Variants in RSU1 observed in about 807,000 individuals in gnomAD.
RSU1 encodes rsu-1.
RSU1 carries 26 observed loss-of-function variants against 31.1 expected under a neutral mutation model. That is an observed-to-expected ratio of 0.84 (90% CI 0.61 to 1.16). The LOEUF is 1.16. RSU1 is among the 50% of genes most tolerant of loss of function. The pLI, the probability that RSU1 is intolerant of heterozygous loss-of-function variation, is 0.00. For synonymous variants in RSU1, 164 were observed against 136.3 expected (o/e 1.20, Z -1.41); for missense variants, 320 against 339.1 (o/e 0.94, Z 0.44).
At chr10:16,799,913 A>G (rs1460056822) in intron 2 of RSU1, among the ~76,000 whole-genome samples, 5 of 152,132 alleles carry the variant, frequency 3.3e-5, no homozygotes, top group African/African-American at 1.2e-4. Flanking sequence ...CACTAGAGAG[A>G]TCTAAGCACA....
rs1165463577 is a variant in RSU1 at position 16,593,207 on chromosome 10, C to T, written c.*187G>A. 1 of 1,144,364 alleles carries T rather than the reference C, an allele frequency of 8.7e-7. No homozygotes were observed. The highest frequency in any genetic ancestry group is 1.2e-6 in the Non-Finnish European group (1 of 843,662). 70.9% of individuals were successfully genotyped at this position (1,144,364 alleles called of 1,614,324 possible). ...GAAACAAATGGAAATGGTTTAAAGA[C>T]CTTATAACAATCTCCCACCTAGCAA... On this transcript the variant is annotated 3_prime_UTR_variant, in exon 9 of 9. Transcript: ENST00000345264.
rs1009813783 is a variant in RSU1, at chr10:16,661,285, T to C, written c.731+33738A>G. On this transcript the variant is annotated intron_variant, in intron 8 of 8. Coordinates refer to ENST00000345264, the MANE Select transcript of RSU1 (RefSeq NM_012425.4). ...GAGTGTATGTGTGATATGTAGAGAG[T>C]GCGTGTGTGTGTGTGTGTGTGTGTG... Among the ~76,000 whole-genome samples, 7 of 103,202 alleles carry C rather than the reference T, an allele frequency of 6.8e-5. No individual in the cohort carries two copies. The East Asian group carries it at 1.8e-3, about 26-fold the overall frequency. The allele number at this position is 103,202 out of a possible 152,430, so 67.7% of individuals were successfully genotyped here.
chr10:16,599,099 T>C (rs1023756590), intron 8 of RSU1, among the ~76,000 whole-genome samples: 2 of 152,136 alleles, frequency 1.3e-5, no homozygotes, highest in Non-Finnish European at 1.5e-5. Context: ...ACTCGTGGCT[T>C]GTGTTTTGCA....
chr10:16,615,482 G>A (rs780270132), intron 8 of RSU1, among the ~76,000 whole-genome samples: 9 of 152,112 alleles, frequency 5.9e-5, no homozygotes, highest in African/African-American at 7.2e-5. Flanking sequence ...CAACAAGACC[G>A]AAAATTAAGA....
chr10:16,709,394 AT>A (rs1460401523), intron 7 of RSU1, among the ~76,000 whole-genome samples: 1 of 152,106 alleles, frequency 6.6e-6, no homozygotes, highest in Non-Finnish European at 1.5e-5. Context: ...CCAGTCTATC[AT>A]TGTTGGACAT....
chr10:16,772,822 TAGTC>T (rs1357851843), intron 3 of RSU1, among the ~76,000 whole-genome samples: 6 of 152,166 alleles, frequency 3.9e-5, no homozygotes, highest in East Asian at 1.9e-4. Context: ...ACAAGGTAGA[TAGTC>T]AGCAAGTCAC....
At chr10:16,679,575 T>C (rs1259349350) in intron 8 of RSU1, among the ~76,000 whole-genome samples, 1 of 152,130 alleles carries the variant, frequency 6.6e-6, no homozygotes, top group Non-Finnish European at 1.5e-5. Context: ...ACTTGAAGAA[T>C]AACTGGGCAT....
chr10:16,736,835 T>C (rs534502245), intron 7 of RSU1, among the ~76,000 whole-genome samples: 2 of 152,080 alleles, frequency 1.3e-5, no homozygotes, highest in East Asian at 1.9e-4. Context: ...AGTATCTAAA[T>C]TGAGAAATGA....
At chr10:16,715,965 C>T (rs1836130992) in intron 7 of RSU1, among the ~76,000 whole-genome samples, 3 of 152,268 alleles carry the variant, frequency 2.0e-5, no homozygotes, top group South Asian at 4.1e-4. Context: ...GCAAGCATTT[C>T]CCTATTCAAG....
intron 7 of RSU1, among the ~76,000 whole-genome samples, chr10:16,727,587 AG>A (rs1238240678): frequency 1.8e-4 from 27 of 152,228 alleles, no homozygotes; most frequent in Admixed American, 6.5e-5. Flanking sequence ...TTTTGGCGCA[AG>A]TTCTGGGAAA....
chr10:16,808,337 C>T (rs1015319661), intron 2 of RSU1, among the ~76,000 whole-genome samples: 34 of 151,532 alleles, frequency 2.2e-4, no homozygotes, highest in African/African-American at 7.5e-4. Flanking sequence ...TAAAAAAATT[C>T]GCCAGGCGTT....
chr10:16,712,355 C>G (rs1836038516), intron 7 of RSU1, among the ~76,000 whole-genome samples: 1 of 152,062 alleles, frequency 6.6e-6, no homozygotes, highest in Admixed American at 6.5e-5. Flanking sequence ...AAAATTTATT[C>G]CTGCCATATT....
At chr10:16,685,346 C>G (rs1835422325) in intron 8 of RSU1, among the ~76,000 whole-genome samples, 1 of 152,036 alleles carries the variant, frequency 6.6e-6, no homozygotes, top group Admixed American at 6.6e-5. Context: ...GGATCTCACA[C>G]AAGAAAGAAT....
At chr10:16,746,580 C>A (rs1054791356) in intron 7 of RSU1, among the ~76,000 whole-genome samples, 2 of 151,576 alleles carry the variant, frequency 1.3e-5, no homozygotes, top group African/African-American at 2.4e-5. Context: ...CACACAACAG[C>A]GGTCTCATCG....
chr10:16,806,671 G>A (rs1393615226), intron 2 of RSU1, among the ~76,000 whole-genome samples: 3 of 152,262 alleles, frequency 2.0e-5, no homozygotes, highest in Non-Finnish European at 4.4e-5. Flanking sequence ...AACAAAGAGT[G>A]CACAACGTTG....
rs1837179275 is a variant in RSU1 at position 16,760,229 on chromosome 10, G to T, written c.281+4161C>A. On this transcript the variant is annotated intron_variant, in intron 4 of 8. Coordinates refer to ENST00000345264, the MANE Select transcript of RSU1 (RefSeq NM_012425.4). ...ATTCATTGAAAAGGAAAAGTTTAGG[G>T]CCGGGCGCAGTGGCTCATGCCTGTA... 3.3e-5 allele frequency among the ~76,000 whole-genome samples: 5 copies of T among 152,296 alleles called. No homozygotes were observed. In the South Asian group the frequency reaches 1.0e-3, roughly 32 times the overall value.
intron 8 of RSU1, among the ~76,000 whole-genome samples, chr10:16,615,584 C>T (rs917981078): frequency 2.0e-5 from 3 of 152,234 alleles, no homozygotes; most frequent in Non-Finnish European, 4.4e-5. Flanking sequence ...AATATACATT[C>T]TTCTCAATGC....
At chr10:16,763,370 G>C (rs1837246784) in intron 4 of RSU1, among the ~76,000 whole-genome samples, 1 of 152,174 alleles carries the variant, frequency 6.6e-6, no homozygotes, top group Non-Finnish European at 1.5e-5. Flanking sequence ...TACTCATGGT[G>C]GAAGGCAATG....
chr10:16,651,397 A>G (rs1305504885), intron 8 of RSU1, among the ~76,000 whole-genome samples: 1 of 152,234 alleles, frequency 6.6e-6, no homozygotes, highest in Non-Finnish European at 1.5e-5. Context: ...CTCACCCTTG[A>G]AGATTTTATT....
Sources: allele counts gnomAD v4.1 joint callset (sites outside exome capture counted in the v4.1 genomes callset), GRCh38; gene constraint gnomAD v4.1.1; transcripts MANE v1.5; gene names NCBI Gene and HGNC (gene_info 2026-07-23, HGNC 2026-07-21).